TTLL4: variants seen among roughly 807,000 people sequenced by gnomAD.
TTLL4 encodes the protein tubulin monoglutamylase TTLL4.
TTLL4 carries 85 observed loss-of-function variants against 122.7 expected under a neutral mutation model. The observed-to-expected ratio is 0.69, with a 90% CI of 0.58 to 0.83. The LOEUF is 0.83. Among genes scored for constraint, TTLL4 ranks in the 40% least tolerant of loss-of-function variants. The pLI is 0.00. For synonymous variants in TTLL4, 553 were observed against 563.0 expected, an observed-to-expected ratio of 0.98 and a Z score of 0.25; for missense variants, 1,363 against 1,488.6, an observed-to-expected ratio of 0.92 and a Z score of 1.39.
chr2:218,751,526 C>G (rs1419678385), intron 15 of TTLL4, 178 bp from the exon 16 acceptor site: 1 of 774,512 alleles, frequency 1.3e-6, no homozygotes, highest in Non-Finnish European at 1.6e-6. Context: ...TATTTGATGA[C>G]TCTCAGGTTA....
At position 218,738,998 on chromosome 2, in the gene TTLL4, T is replaced by C. The variant is rs755428718; in HGVS notation, c.1322T>C (p.Ile441Thr). The change falls in exon 3 of 20, where the codon ATT becomes ACT. Residue 441 changes from isoleucine to threonine, a missense_variant. Transcript: ENST00000392102. ...LNHNPACESV[I>T]DSSAFGEGKA... ...CACAACCCTGCCTGTGAATCTGTAA[T>C]TGACTCCTCAGCATTTGGAGAAGGC... The C allele has an allele frequency of 8.1e-6, 13 of 1,614,070 alleles. No individual in the cohort carries two copies. The highest frequency in any genetic ancestry group is 3.3e-5 in the Admixed American group (2 of 60,008).
chr2:218,754,202 C>T lies in TTLL4; in HGVS notation c.3413C>T (p.Thr1138Ile), dbSNP rs9989776. 3,022 of 1,614,214 alleles carry T rather than the reference C, an allele frequency of 1.9e-3. 53 individuals are homozygous for T. In the African/African-American group the frequency reaches 0.035, roughly 19 times the overall value. The part of the protein sequence containing the change: ...EDGTTPKSKK[T>I]QAGLSPYPQK... ...GGGACCACGCCCAAATCCAAGAAGA[C>T]TCAAGCTGGCCTTTCCCCTTATCCC... Residue 1138 changes from threonine (T) to isoleucine (I), a missense_variant, in exon 20 of 20, where the codon ACT becomes ATT. Thr to Ile is a moderately conservative substitution (Grantham distance 89, BLOSUM62 -1). This residue lies in a region of TTLL4 where 596 missense variants were observed against 655.8 expected (regional missense o/e 0.91). Coordinates refer to ENST00000392102, the MANE Select transcript of TTLL4 (RefSeq NM_014640.5).
intron 18 of TTLL4, 72 bp from the exon 19 acceptor site, chr2:218,753,512 G>T: frequency 7.0e-7 from 1 of 1,438,040 alleles, no homozygotes. Flanking sequence ...GAGCTGGAGG[G>T]TACCAAGACC....
chr2:218,723,500 C>T (rs1312067249), intron 1 of TTLL4, among the ~76,000 whole-genome samples: 1 of 152,170 alleles, frequency 6.6e-6, no homozygotes, highest in Non-Finnish European at 1.5e-5. Flanking sequence ...CTTGAACTCC[C>T]CTTGAGCCAG....
At chr2:218,744,869 C>T (rs1009145289) in intron 5 of TTLL4, among the ~76,000 whole-genome samples, 1 of 152,152 alleles carries the variant, frequency 6.6e-6, no homozygotes, top group Non-Finnish European at 1.5e-5. Context: ...AGCTGTATTG[C>T]AGAATGAAGT....
Position 218,739,068 on chromosome 2 carries a change from C to T in TTLL4, c.1392C>T (p.Asn464=), listed in dbSNP as rs367676777. 62 of 1,613,512 alleles carry T rather than the reference C, an allele frequency of 3.8e-5. No individual in the cohort carries two copies. The highest frequency in any genetic ancestry group is 9.3e-5 in the African/African-American group (7 of 74,924). Residue 464 remains asparagine, a synonymous_variant, in exon 3 of 20, where the codon AAC becomes AAT. Transcript: ENST00000392102. ...PPFPQTLGIA[N]VATRLSSIQL... ...TTCCTCAAACTCTTGGCATAGCCAA[C>T]GTGGCCACCCGCCTCTCTTCCATCC...
Position 218,752,840 on chromosome 2 carries a change from T to C in TTLL4, c.3054T>C (p.Ser1018=), listed in dbSNP as rs1336002689. 6.2e-7 allele frequency: 1 copy of C among 1,614,222 alleles called. No homozygotes were observed. The highest frequency in any genetic ancestry group is 8.5e-7 in the Non-Finnish European group (1 of 1,180,040). ...RILVEMEDEF[S]RRGQFERIFP... ...TGGTTGAGATGGAAGATGAGTTTTC[T>C]CGCCGTGGTCAGTTTGAACGAATTT... Residue 1018 remains serine, a synonymous_variant, in exon 17 of 20, where the codon TCT becomes TCC. Coordinates refer to ENST00000392102, the MANE Select transcript of TTLL4 (RefSeq NM_014640.5).
In TTLL4 at chr2:218,727,295, T is replaced by C. The variant is rs1942224680; in HGVS notation, c.-151T>C. The C allele has an allele frequency of 6.6e-6, 1 of 152,218 alleles. No homozygotes were observed. The highest frequency in any genetic ancestry group is 2.4e-5 in the African/African-American group (1 of 41,452). The allele number at this position is 152,218 out of a possible 1,614,324, so 9.4% of individuals were successfully genotyped here. On this transcript the variant is annotated 5_prime_UTR_variant, in exon 2 of 20. Transcript: ENST00000392102. ...TAGACTGTCTTCAAGCTCACTGATA[T>C]TTTCCTCTGCTTGATCCATTGTGCT... is the stretch of plus-strand genomic sequence containing the variant.
At chr2:218,746,899 T>TGATAGTAAGA (rs1162758081) in intron 8 of TTLL4, 104 bp from the exon 9 acceptor site, 15 of 1,299,904 alleles carry the variant, frequency 1.2e-5, no homozygotes, top group Non-Finnish European at 1.3e-5. Flanking sequence ...GAACAAAAGC[T>TGATAGTAAGA]TGGAGTGCTG....
intron 7 of TTLL4, 141 bp from the exon 8 acceptor site, chr2:218,746,014 C>T: frequency 9.9e-7 from 1 of 1,013,624 alleles, no homozygotes; most frequent in Non-Finnish European, 1.5e-6. Context: ...TCCCTGGCCC[C>T]AGGGCCTCAT....
Position 218,738,747 on chromosome 2 carries a change from G to A in TTLL4, c.1071G>A (p.Gln357=), listed in dbSNP as rs1369960902. 6.2e-7 allele frequency: 1 copy of A among 1,614,126 alleles called. No individual in the cohort carries two copies. The highest frequency in any genetic ancestry group is 1.3e-5 in the African/African-American group (1 of 74,946). The change falls in exon 3 of 20, where the codon CAG becomes CAA. Residue 357 remains glutamine (Q), a synonymous_variant. Coordinates refer to ENST00000392102, the MANE Select transcript of TTLL4 (RefSeq NM_014640.5). ...GFEKMPRQGC[Q]LEQSSFLNPS... Reference sequence around the variant, plus strand: ...AGAAGATGCCGAGGCAAGGCTGCCAGCTTGAACAGTCTAGTTTCCTGAACC... The same window carrying A: ...AGAAGATGCCGAGGCAAGGCTGCCAACTTGAACAGTCTAGTTTCCTGAACC...
At chr2:218,734,636 G>A (rs1942466277) in intron 2 of TTLL4, among the ~76,000 whole-genome samples, 3 of 152,178 alleles carry the variant, frequency 2.0e-5, no homozygotes, top group South Asian at 2.1e-4. Flanking sequence ...CATGATGCAC[G>A]TGGGAATCAA....
chr2:218,714,182 A>G (rs1941792495), intron 1 of TTLL4, among the ~76,000 whole-genome samples: 1 of 152,220 alleles, frequency 6.6e-6, no homozygotes, highest in Non-Finnish European at 1.5e-5. Flanking sequence ...CAAAGTGAGA[A>G]GTCTGAACTC....
Position 218,751,690 on chromosome 2 carries a change from G to C in TTLL4, c.2874-14G>C. ...TGACCCTGCCCTTTGCTTTCTTTCT[G>C]GCCTCTGCCGTAGCCTGCCCACCTC... is the stretch of plus-strand genomic sequence containing the variant. On this transcript the variant is annotated splice_polypyrimidine_tract_variant and intron_variant, in intron 15 of 19. Coordinates refer to ENST00000392102, the MANE Select transcript of TTLL4 (RefSeq NM_014640.5). 2 of 1,610,536 alleles carry C rather than the reference G, an allele frequency of 1.2e-6. No individual in the cohort carries two copies. The highest frequency in any genetic ancestry group is 1.7e-6 in the Non-Finnish European group (2 of 1,178,106).
chr2:218,731,689 A>G (rs992148237), intron 2 of TTLL4, among the ~76,000 whole-genome samples: 2 of 152,098 alleles, frequency 1.3e-5, no homozygotes, highest in African/African-American at 4.8e-5. Flanking sequence ...ACCTCCCACA[A>G]CTTCAGTCGG....
At chr2:218,759,301 G>A (rs917524508), downstream of TTLL4, among the ~76,000 whole-genome samples, 1 of 152,174 alleles carries the variant, frequency 6.6e-6, no homozygotes. Flanking sequence ...TGTAATCCCA[G>A]CACTTTGGGA....
At chr2:218,730,637 T>A (rs1266539189) in intron 2 of TTLL4, among the ~76,000 whole-genome samples, 1 of 152,252 alleles carries the variant, frequency 6.6e-6, no homozygotes, top group Non-Finnish European at 1.5e-5. Context: ...GCTGTATCTA[T>A]GGTCTTTTGA....
At chr2:218,756,692 T>C (rs1306585897), downstream of TTLL4, among the ~76,000 whole-genome samples, 1 of 152,168 alleles carries the variant, frequency 6.6e-6, no homozygotes, top group Non-Finnish European at 1.5e-5. Context: ...GGGAGTATAG[T>C]AGAATAAATA....
chr2:218,736,724 G>C (rs954724584), intron 2 of TTLL4, among the ~76,000 whole-genome samples: 1 of 152,156 alleles, frequency 6.6e-6, no homozygotes, highest in Non-Finnish European at 1.5e-5. Context: ...TAAACTCCGG[G>C]ATCAGCAAGG....
Sources: allele counts gnomAD v4.1 joint callset (sites outside exome capture counted in the v4.1 genomes callset), GRCh38; gene constraint gnomAD v4.1.1; regional missense constraint gnomAD v4.1.1; transcripts MANE v1.5; gene names NCBI Gene and HGNC (gene_info 2026-07-23, HGNC 2026-07-21).